The following DSCAML1 variants were observed in gnomAD, a reference collection of about 807,000 sequenced individuals.
DSCAML1 encodes the protein cell adhesion molecule DSCAML1.
Under a neutral mutation model 200.5 loss-of-function variants are expected in DSCAML1, and 38 were observed. That is an observed-to-expected ratio of 0.19 (90% CI 0.15 to 0.25). The LOEUF (loss-of-function observed/expected upper bound fraction) is 0.25, where lower values mean the gene tolerates loss of function less well. Ranked by LOEUF, DSCAML1 falls within the 10% of genes least tolerant of loss-of-function variation. The pLI is 1.00. For missense variants in DSCAML1, 2,223 were observed against 2,858.8 expected, an observed-to-expected ratio of 0.78 and a Z score of 5.07; for synonymous variants, 1,215 against 1,165.0, an observed-to-expected ratio of 1.04 and a Z score of -0.87.
intron 3 of DSCAML1, among the ~76,000 whole-genome samples, chr11:117,757,785 G>T (rs1395828564): frequency 1.3e-5 from 2 of 152,052 alleles, no homozygotes; most frequent in Non-Finnish European, 2.9e-5. Context: ...GAGGTCAGGA[G>T]TTCAAGACCA....
rs74878248 is a variant in DSCAML1, at chr11:117,632,041, A to C, written c.512-99519T>G. Among the ~76,000 whole-genome samples the C allele has an allele frequency of 1.8e-3, 280 of 152,300 alleles. No individual in the cohort carries two copies. In the Middle Eastern group the frequency reaches 0.041, roughly 22 times the overall value. On this transcript the variant is annotated intron_variant, in intron 3 of 32. Transcript: ENST00000651296. ...GCTCACCTGGCCCAGCCCTCTCCCC[A>C]GTGGCCATATAGCCTAATGGTTAGG...
chr11:117,647,117 C>T (rs895445598), intron 3 of DSCAML1, among the ~76,000 whole-genome samples: 4 of 152,220 alleles, frequency 2.6e-5, no homozygotes, highest in African/African-American at 9.6e-5. Flanking sequence ...TCCTTTCCTA[C>T]GCCTACTCCT....
At chr11:117,681,928 C>T (rs2053319853) in intron 3 of DSCAML1, among the ~76,000 whole-genome samples, 1 of 152,180 alleles carries the variant, frequency 6.6e-6, no homozygotes, top group South Asian at 2.1e-4. Flanking sequence ...CTGTCCCAGT[C>T]TCTCTCTCCA....
chr11:117,594,454 C>T (rs2051322511), intron 3 of DSCAML1, among the ~76,000 whole-genome samples: 1 of 152,242 alleles, frequency 6.6e-6, no homozygotes, highest in Admixed American at 6.5e-5. Context: ...CTCATCAGAT[C>T]CGCTGATGCT....
chr11:117,593,685 A>G (rs991817328), intron 3 of DSCAML1, among the ~76,000 whole-genome samples: 21 of 150,668 alleles, frequency 1.4e-4, no homozygotes, highest in Non-Finnish European at 2.5e-4. Flanking sequence ...TCCTTGAACC[A>G]TAGTATTGAA....
intron 3 of DSCAML1, among the ~76,000 whole-genome samples, chr11:117,729,213 C>A (rs1467163574): frequency 1.3e-5 from 2 of 152,278 alleles, no homozygotes; most frequent in Admixed American, 6.5e-5. Flanking sequence ...AACTGGATAT[C>A]CACATGCAAA....
rs757481843 is a variant in DSCAML1 at position 117,467,193 on chromosome 11, A to ACCCCCCCCCCCCCCCC, written c.3025-2012_3025-2011insGGGGGGGGGGGGGGGG. On this transcript the variant is annotated intron_variant, in intron 16 of 32. Coordinates refer to ENST00000651296, the MANE Select transcript of DSCAML1 (RefSeq NM_020693.4). ...CGCGCACGCATGCGCGTGCACACAC[A>ACCCCCCCCCCCCCCCC]CCTCCCCCCTCCCCCCGCCGCCAAT... 1.4e-4 allele frequency among the ~76,000 whole-genome samples: 15 copies of ACCCCCCCCCCCCCCCC among 109,512 alleles called. 1 individual carries two copies. The highest frequency in any genetic ancestry group is 5.8e-4 in the African/African-American group (13 of 22,562). 71.8% of individuals were successfully genotyped at this position (109,512 alleles called of 152,430 possible).
At chr11:117,447,225 A>T (rs12364375) in intron 20 of DSCAML1, among the ~76,000 whole-genome samples, 44,581 of 152,004 alleles carry the variant, frequency 0.29, 6,862 homozygotes, top group South Asian at 0.38. Flanking sequence ...GAGGTGGAGG[A>T]TACAGCGAGC....
At position 117,674,049 on chromosome 11, in the gene DSCAML1, C is replaced by T. The variant is rs563670698; in HGVS notation, c.511+102742G>A. 1.6e-3 allele frequency among the ~76,000 whole-genome samples: 247 copies of T among 152,308 alleles called. 4 individuals carry two copies. Among genetic ancestry groups the T allele is most frequent in the Non-Finnish European group, 2.8e-4 (19 of 68,014 alleles). ...CCTGTGGTGGGTTTCCCTCGATCCCCGCACCTTGCATGCCTTCGGTAGATT... is the reference window on the plus strand; with the variant it reads ...CCTGTGGTGGGTTTCCCTCGATCCCTGCACCTTGCATGCCTTCGGTAGATT... On this transcript the variant is annotated intron_variant, in intron 3 of 32. Transcript: ENST00000651296.
rs749951838 is a variant in DSCAML1, at chr11:117,480,491, C to T, written c.2737G>A (p.Gly913Arg). The T allele has an allele frequency of 2.5e-6, 4 of 1,612,168 alleles. No individual in the cohort carries two copies. The highest frequency in any genetic ancestry group is 2.2e-5 in the South Asian group (2 of 90,468). ...MNLRWTQRFD[G>R]NSIITGFDIE... ...TCGAAGCCCGTGATGATGCTGTTCC[C>T]GTCGAATCGCTGGGTCCAGCGCAGG... The change falls in exon 14 of 33, where the codon GGG becomes AGG. Residue 913 changes from glycine to arginine, a missense_variant. By Grantham distance (125) the Gly-to-Arg change is moderately radical. Around this residue, in one of 7 missense-constraint regions of DSCAML1, gnomAD observed 438 missense variants for 629.7 expected, o/e 0.70. Coordinates refer to ENST00000651296, the MANE Select transcript of DSCAML1 (RefSeq NM_020693.4). The surrounding 1 kb of genome is among the most constrained non-coding windows in gnomAD (Gnocchi z 4.1).
intron 3 of DSCAML1, among the ~76,000 whole-genome samples, chr11:117,658,850 T>C (rs1461965666): frequency 6.6e-6 from 1 of 152,208 alleles, no homozygotes; most frequent in Non-Finnish European, 1.5e-5. Flanking sequence ...TACTCCTTAC[T>C]TACGTTGCTT....
chr11:117,698,761 G>C (rs1172330530), intron 3 of DSCAML1, among the ~76,000 whole-genome samples: 1 of 152,102 alleles, frequency 6.6e-6, no homozygotes, highest in Non-Finnish European at 1.5e-5. Flanking sequence ...TTCGGAATCT[G>C]GTTGTTTTAA....
At chr11:117,693,470 G>T (rs1021148925) in intron 3 of DSCAML1, among the ~76,000 whole-genome samples, 1 of 152,044 alleles carries the variant, frequency 6.6e-6, no homozygotes, top group South Asian at 2.1e-4. Flanking sequence ...GACTGAATGG[G>T]CAGGGTCAAG....
intron 3 of DSCAML1, among the ~76,000 whole-genome samples, chr11:117,575,707 C>T (rs529485509): frequency 6.6e-6 from 1 of 152,164 alleles, no homozygotes; most frequent in South Asian, 2.1e-4. Context: ...TGGTGCACAC[C>T]TGTGGTCCCA....
At chr11:117,769,560 T>A (rs1190174039) in intron 3 of DSCAML1, among the ~76,000 whole-genome samples, 1 of 113,150 alleles carries the variant, frequency 8.8e-6, no homozygotes, top group African/African-American at 3.6e-5. Flanking sequence ...ATATATATAT[T>A]TTATATATAT....
chr11:117,480,698 G>T lies in DSCAML1; in HGVS notation c.2657-127C>A. 9.3e-7 allele frequency: 1 copy of T among 1,074,690 alleles called. No homozygotes were observed. The highest frequency in any genetic ancestry group is 1.3e-6 in the Non-Finnish European group (1 of 749,202). 66.6% of individuals were successfully genotyped at this position (1,074,690 alleles called of 1,614,324 possible). A position where few individuals can be genotyped will look rare whatever the true frequency, so the allele number is the denominator to read the frequency against. ...CTCTGGCACCCTAGGGTTTGAGCAG[G>T]GTGGGGGCTGGAGGAGGCCAGCAGC... On this transcript the variant is annotated intron_variant, in intron 13 of 32. Coordinates refer to ENST00000651296, the MANE Select transcript of DSCAML1 (RefSeq NM_020693.4). The surrounding 1 kb of genome is among the most constrained non-coding windows in gnomAD (Gnocchi z 4.1).
At chr11:117,651,252 T>C (rs16867) in intron 3 of DSCAML1, among the ~76,000 whole-genome samples, 31,415 of 152,170 alleles carry the variant, frequency 0.21, 3,557 homozygotes, top group East Asian at 0.45. Flanking sequence ...CAGAAACAGA[T>C]GATAAGGCCA....
chr11:117,781,572 C>T (rs1026174947), intron 1 of DSCAML1, among the ~76,000 whole-genome samples: 1 of 152,284 alleles, frequency 6.6e-6, no homozygotes, highest in East Asian at 1.9e-4. Context: ...TTGGGAAATG[C>T]GTTGCCACAG....
In DSCAML1 at chr11:117,486,215, A is replaced by ATGGCGGATGGGAAAG. The variant is rs1187857003; in HGVS notation, c.2360-4068_2360-4054dup. On this transcript the variant is annotated intron_variant, in intron 11 of 32. Coordinates refer to ENST00000651296, the MANE Select transcript of DSCAML1 (RefSeq NM_020693.4). ...AAACTGGGTCTGCTGAACTCCCAAA[A>ATGGCGGATGGGAAAG]TGGCGGATGGGAAAGTGGCGGATGG... Among the ~76,000 whole-genome samples, 124 of 151,128 alleles carry ATGGCGGATGGGAAAG rather than the reference A, an allele frequency of 8.2e-4. 1 individual carries two copies. Among genetic ancestry groups the ATGGCGGATGGGAAAG allele is most frequent in the East Asian group, 2.5e-3 (13 of 5,152 alleles).
Sources: allele counts gnomAD v4.1 joint callset (sites outside exome capture counted in the v4.1 genomes callset), GRCh38; gene constraint gnomAD v4.1.1; regional missense constraint gnomAD v4.1.1; non-coding constraint Gnocchi (gnomAD v3.1); transcripts MANE v1.5; gene names NCBI Gene and HGNC (gene_info 2026-07-23, HGNC 2026-07-21).